Variants in FTO observed in about 807,000 individuals in gnomAD.
FTO encodes alpha-ketoglutarate-dependent dioxygenase FTO.
In FTO, 47 loss-of-function variants were observed where a neutral mutation model predicts 63.9. That is an observed-to-expected ratio of 0.74 (90% confidence interval 0.58 to 0.94). The LOEUF is 0.94. Ranked by LOEUF, FTO falls within the 40% of genes least tolerant of loss-of-function variation. The pLI is 0.00. For missense variants in FTO, 562 were observed against 618.1 expected (o/e 0.91, Z 0.96); for synonymous variants, 207 against 224.4 (o/e 0.92, Z 0.69).
intron 4 of FTO, among the ~76,000 whole-genome samples, chr16:53,855,758 C>T (rs1213536716): frequency 1.3e-5 from 2 of 152,198 alleles, no homozygotes; most frequent in African/African-American, 2.4e-5. Flanking sequence ...CTTTTCCTTA[C>T]ATCTAGTCTA....
intron 8 of FTO, chr16:53,992,990 T>C (rs1567502326): frequency 1.3e-5 from 2 of 152,242 alleles, no homozygotes; most frequent in South Asian, 4.1e-4. Context: ...TGTAGTAAGA[T>C]TTGACCCGGC....
chr16:53,971,856 CA>C (rs1430330589), intron 8 of FTO, among the ~76,000 whole-genome samples: 3 of 152,200 alleles, frequency 2.0e-5, no homozygotes, highest in African/African-American at 7.2e-5. Context: ...AATAAAATCC[CA>C]TCCGCGCTGT....
At chr16:53,784,703 G>C (rs2077686056) in intron 1 of FTO, among the ~76,000 whole-genome samples, 1 of 151,920 alleles carries the variant, frequency 6.6e-6, no homozygotes, top group African/African-American at 2.4e-5. Flanking sequence ...TTGCCAAGTA[G>C]GTTTCATTAC....
chr16:53,825,291 G>A (rs1248529185), intron 2 of FTO, among the ~76,000 whole-genome samples: 3 of 152,236 alleles, frequency 2.0e-5, no homozygotes, highest in East Asian at 1.9e-4. Context: ...TTAAGAACTC[G>A]TGCCCTGGAA....
At chr16:54,006,482 TA>T (rs1472915185) in intron 8 of FTO, among the ~76,000 whole-genome samples, 2 of 152,214 alleles carry the variant, frequency 1.3e-5, no homozygotes, top group Non-Finnish European at 2.9e-5. Context: ...GTGTTTTCCT[TA>T]AGATATTTTA....
chr16:54,005,065 G>A (rs1222178825), intron 8 of FTO, among the ~76,000 whole-genome samples: 11 of 122,372 alleles, frequency 9.0e-5, no homozygotes, highest in South Asian at 2.6e-4. Context: ...GCGAGGCTCC[G>A]TCTAAAAAAA....
At chr16:53,724,382 G>A (rs559648058) in intron 1 of FTO, among the ~76,000 whole-genome samples, 1 of 152,350 alleles carries the variant, frequency 6.6e-6, no homozygotes, top group African/African-American at 2.4e-5. Context: ...CTGCCACGAA[G>A]TCAGGAGTTT....
In FTO at chr16:53,873,972, T is replaced by G; in HGVS notation, c.975+107T>G. On this transcript the variant is annotated intron_variant, in intron 5 of 8. Transcript: ENST00000471389. ...GAAGAGTATTTGATGGGAAAATTGC[T>G]TCCATCTAACTTGACTTTCGTCTCT... The G allele has an allele frequency of 4.8e-6, 4 of 837,596 alleles. No individual in the cohort carries two copies. In the South Asian group the frequency reaches 5.5e-5, roughly 11 times the overall value. 51.9% of individuals were successfully genotyped at this position (837,596 alleles called of 1,614,324 possible). A position where few individuals can be genotyped will look rare whatever the true frequency, so the allele number is the denominator to read the frequency against.
intron 1 of FTO, among the ~76,000 whole-genome samples, chr16:53,773,902 T>C (rs2077400782): frequency 6.6e-6 from 1 of 152,158 alleles, no homozygotes; most frequent in Non-Finnish European, 1.5e-5. Context: ...CTGTGAGTGT[T>C]GGAAGCGTGT....
At chr16:53,930,535 A>G (rs2143188021) in intron 7 of FTO, among the ~76,000 whole-genome samples, 1 of 152,146 alleles carries the variant, frequency 6.6e-6, no homozygotes, top group South Asian at 2.1e-4. Flanking sequence ...TTATCTTCTC[A>G]TTTATAAGTA....
chr16:53,822,863 G>A (rs1225785039), intron 2 of FTO, among the ~76,000 whole-genome samples: 1 of 152,050 alleles, frequency 6.6e-6, no homozygotes, highest in Non-Finnish European at 1.5e-5. Flanking sequence ...GACACTCAAG[G>A]TCTCGACTTC....
chr16:53,823,534 G>A (rs1323853628), intron 2 of FTO, among the ~76,000 whole-genome samples: 1 of 128,766 alleles, frequency 7.8e-6, no homozygotes, highest in Non-Finnish European at 1.5e-5. Context: ...AGGTTTCATA[G>A]GTATCTTCAA....
chr16:53,782,341 G>A (rs1598642201), intron 1 of FTO, among the ~76,000 whole-genome samples: 1 of 152,290 alleles, frequency 6.6e-6, no homozygotes, highest in East Asian at 1.9e-4. Flanking sequence ...GTCTAGGCAT[G>A]CCAGTTGCCC....
chr16:53,716,417 G>T (rs528464914), intron 1 of FTO, among the ~76,000 whole-genome samples: 1 of 152,258 alleles, frequency 6.6e-6, no homozygotes, highest in Non-Finnish European at 1.5e-5. Context: ...GCCTGTGGTG[G>T]TTAAGAACGT....
intron 6 of FTO, among the ~76,000 whole-genome samples, chr16:53,884,960 C>T (rs537663168): frequency 1.6e-4 from 24 of 152,314 alleles, no homozygotes; most frequent in Non-Finnish European, 2.6e-4. Context: ...GTCCTCCTGA[C>T]GGCTTGCCTC....
chr16:53,941,618 G>A (rs552841186), intron 8 of FTO, among the ~76,000 whole-genome samples: 6 of 152,190 alleles, frequency 3.9e-5, no homozygotes, highest in East Asian at 3.9e-4. Context: ...AGGCTGAGGC[G>A]GGCAGATTGC....
In FTO at chr16:54,009,740, C is replaced by G. The variant is rs2084294777; in HGVS notation, c.1364+75631C>G. 2.0e-5 allele frequency among the ~76,000 whole-genome samples: 3 copies of G among 152,252 alleles called. No individual in the cohort carries two copies. In the South Asian group the frequency reaches 6.2e-4, roughly 32 times the overall value. On this transcript the variant is annotated intron_variant, in intron 8 of 8. Coordinates refer to ENST00000471389, the MANE Select transcript of FTO (RefSeq NM_001080432.3). ...GCTGGCTCCACCACTACTACCCTATCCCACCTACGTCCAAGATACGCATCT... is the reference window on the plus strand; with the variant it reads ...GCTGGCTCCACCACTACTACCCTATGCCACCTACGTCCAAGATACGCATCT...
At chr16:53,808,099 C>T (rs891249296) in intron 1 of FTO, among the ~76,000 whole-genome samples, 1 of 151,948 alleles carries the variant, frequency 6.6e-6, no homozygotes, top group Non-Finnish European at 1.5e-5. Context: ...GAGGCCAAGG[C>T]GGGCAGATCA....
intron 7 of FTO, among the ~76,000 whole-genome samples, chr16:53,931,986 T>C (rs1354954813): frequency 6.6e-6 from 1 of 152,154 alleles, no homozygotes; most frequent in East Asian, 1.9e-4. Flanking sequence ...ATGTCAGAGC[T>C]GGCTGGATCT....
Sources: gnomAD v4.1 joint callset for allele counts (sites outside exome capture counted in the v4.1 genomes callset) on GRCh38, gnomAD v4.1.1 for gene constraint, MANE v1.5 for transcripts, NCBI Gene and HGNC (gene_info 2026-07-23, HGNC 2026-07-21) for gene names.